Variants in EEF2K observed in about 807,000 individuals in gnomAD.
EEF2K encodes alternative protein EEF2K.
Under a neutral mutation model 93.8 loss-of-function variants are expected in EEF2K, and 70 were observed. The ratio of observed to expected loss-of-function variants is 0.75; its 90% confidence interval spans 0.62 to 0.91. The LOEUF is 0.91. Ranked by LOEUF, EEF2K falls within the 40% of genes least tolerant of loss-of-function variation. EEF2K has a pLI of 0.00. For synonymous variants in EEF2K, 376 were observed against 380.8 expected (o/e 0.99, Z 0.15); for missense variants, 935 against 972.9 (o/e 0.96, Z 0.52).
intron 1 of EEF2K, among the ~76,000 whole-genome samples, chr16:22,215,152 G>C (rs559890408): frequency 1.1e-4 from 16 of 152,268 alleles, no homozygotes; most frequent in Non-Finnish European, 2.1e-4. Flanking sequence ...TTGTGGGAAG[G>C]GACCAATCAG....
intron 1 of EEF2K, among the ~76,000 whole-genome samples, chr16:22,211,831 G>A (rs1161925007): frequency 2.6e-5 from 4 of 151,986 alleles, no homozygotes; most frequent in South Asian, 2.1e-4. Flanking sequence ...TCACTTACTC[G>A]TTCATTCATG....
chr16:22,250,382 T>C (rs1487930046), intron 4 of EEF2K, among the ~76,000 whole-genome samples: 2 of 152,168 alleles, frequency 1.3e-5, no homozygotes, highest in Non-Finnish European at 2.9e-5. Flanking sequence ...TGAGATGCAC[T>C]GTCCCTCCCC....
intron 2 of EEF2K, among the ~76,000 whole-genome samples, chr16:22,232,230 A>AT (rs1486959792): frequency 6.6e-6 from 1 of 151,846 alleles, no homozygotes; most frequent in Non-Finnish European, 1.5e-5. Context: ...TTTAATTTTT[A>AT]TTTTTTTAAT....
At chr16:22,236,855 C>T (rs1376265831) in intron 2 of EEF2K, among the ~76,000 whole-genome samples, 2 of 150,302 alleles carry the variant, frequency 1.3e-5, no homozygotes, top group African/African-American at 4.9e-5. Flanking sequence ...TTTGTACTCT[C>T]AGACTTTGAA....
At chr16:22,244,977 T>C (rs1322760930) in intron 3 of EEF2K, among the ~76,000 whole-genome samples, 1 of 152,118 alleles carries the variant, frequency 6.6e-6, no homozygotes, top group Non-Finnish European at 1.5e-5. Context: ...GTTGCAGATC[T>C]CTGGCCGGGT....
chr16:22,269,008 C>G (rs573436061), intron 15 of EEF2K, among the ~76,000 whole-genome samples: 16 of 152,132 alleles, frequency 1.1e-4, no homozygotes, highest in Admixed American at 2.6e-4. Context: ...TCCCCACATC[C>G]TCTCATTCTT....
At chr16:22,247,545 C>A (rs1349433604) in intron 3 of EEF2K, among the ~76,000 whole-genome samples, 2 of 152,034 alleles carry the variant, frequency 1.3e-5, no homozygotes, top group African/African-American at 2.4e-5. Flanking sequence ...AGGGGTCCTA[C>A]TCCATACACA....
At chr16:22,245,644 TGAG>T (rs1440883339) in intron 3 of EEF2K, among the ~76,000 whole-genome samples, 1 of 152,038 alleles carries the variant, frequency 6.6e-6, no homozygotes, top group Non-Finnish European at 1.5e-5. Context: ...TCCATTGAGC[TGAG>T]GAGATTTCCA....
At chr16:22,267,617 G>A (rs960912730) in intron 15 of EEF2K, among the ~76,000 whole-genome samples, 1 of 151,908 alleles carries the variant, frequency 6.6e-6, no homozygotes, top group African/African-American at 2.4e-5. Flanking sequence ...AAATTGGGGG[G>A]GATATCTGCT....
At chr16:22,249,202 C>T (rs1324137924) in intron 4 of EEF2K, among the ~76,000 whole-genome samples, 2 of 150,914 alleles carry the variant, frequency 1.3e-5, no homozygotes, top group Non-Finnish European at 3.0e-5. Flanking sequence ...AACTCCTGGG[C>T]TCAAATGATC....
chr16:22,215,939 A>T (rs1035156632), intron 1 of EEF2K, among the ~76,000 whole-genome samples: 2 of 152,096 alleles, frequency 1.3e-5, no homozygotes, highest in African/African-American at 2.4e-5. Flanking sequence ...CAAAAGAAAC[A>T]CTAAACATAA....
At chr16:22,268,441 G>T (rs1056835769) in intron 15 of EEF2K, among the ~76,000 whole-genome samples, 1 of 151,914 alleles carries the variant, frequency 6.6e-6, no homozygotes, top group Non-Finnish European at 1.5e-5. Context: ...AAAGTGCTGG[G>T]ATTACAGGTG....
intron 1 of EEF2K, among the ~76,000 whole-genome samples, chr16:22,216,290 T>C (rs2046957171): frequency 6.6e-6 from 1 of 152,188 alleles, no homozygotes; most frequent in South Asian, 2.1e-4. Flanking sequence ...AGGTTGCCTT[T>C]TCAGAGGTAG....
rs914932620 is a variant in EEF2K at position 22,273,996 on chromosome 16, G to A, written c.1889+246G>A. On this transcript the variant is annotated intron_variant, in intron 16 of 17. Transcript: ENST00000263026. The stretch of plus-strand genomic sequence containing the variant: ...ACGAGATGCTGACTGTAACCCTTGC[G>A]GTGCCTGGCACATAAAGCATGTGGT... Among the ~76,000 whole-genome samples, 11 of 152,264 alleles carry A rather than the reference G, an allele frequency of 7.2e-5. 1 individual carries two copies. In the East Asian group the frequency reaches 1.7e-3, roughly 24 times the overall value.
chr16:22,252,465 G>A (rs1043516197), intron 6 of EEF2K, among the ~76,000 whole-genome samples: 27 of 152,186 alleles, frequency 1.8e-4, no homozygotes, highest in African/African-American at 5.1e-4. Context: ...CCAGAGCTGC[G>A]TTTCATTGGC....
intron 15 of EEF2K, among the ~76,000 whole-genome samples, chr16:22,270,271 A>G (rs1339549621): frequency 1.3e-5 from 2 of 150,954 alleles, no homozygotes; most frequent in African/African-American, 4.9e-5. Flanking sequence ...GGCACCTGCC[A>G]CCACGCCTGG....
intron 2 of EEF2K, among the ~76,000 whole-genome samples, chr16:22,226,677 G>A (rs975767101): frequency 8.6e-5 from 13 of 151,626 alleles, no homozygotes; most frequent in African/African-American, 2.7e-4. Context: ...CACTATACCC[G>A]GCTCATTAAA....
intron 15 of EEF2K, among the ~76,000 whole-genome samples, chr16:22,268,830 G>T (rs781587105): frequency 3.3e-5 from 5 of 151,698 alleles, no homozygotes; most frequent in East Asian, 3.9e-4. Flanking sequence ...GGTGGCATGC[G>T]CCTGTAATCC....
rs965163661 is a variant in EEF2K, at chr16:22,286,629, A to G, written c.*2633A>G. The G allele has an allele frequency of 2.6e-5, 4 of 152,264 alleles. No individual in the cohort carries two copies. The highest frequency in any genetic ancestry group is 5.9e-5 in the Non-Finnish European group (4 of 68,048). 9.4% of individuals were successfully genotyped at this position (152,264 alleles called of 1,614,324 possible). On this transcript the variant is annotated 3_prime_UTR_variant, in exon 18 of 18. Coordinates refer to ENST00000263026, the MANE Select transcript of EEF2K (RefSeq NM_013302.5). ...GGTGTTCCAATAAAACTTTATTTACACAAACGGGTGGCCCTTTTGGGCTGT... is the reference window on the plus strand; with the variant it reads ...GGTGTTCCAATAAAACTTTATTTACGCAAACGGGTGGCCCTTTTGGGCTGT...
Sources: gnomAD v4.1 joint callset for allele counts (sites outside exome capture counted in the v4.1 genomes callset) on GRCh38, gnomAD v4.1.1 for gene constraint, MANE v1.5 for transcripts, NCBI Gene and HGNC (gene_info 2026-07-23, HGNC 2026-07-21) for gene names.